Variants in LRRC4C observed in about 807,000 individuals in gnomAD.
LRRC4C encodes the protein leucine-rich repeat-containing protein 4C.
LRRC4C carries 5 observed loss-of-function variants against 33.6 expected under a neutral mutation model. The observed-to-expected ratio is 0.15, with a 90% CI of 0.08 to 0.31. The LOEUF (loss-of-function observed/expected upper bound fraction) is 0.31. Ranked by LOEUF, LRRC4C falls within the 10% of genes least tolerant of loss-of-function variation. LRRC4C has a pLI of 1.00. For synonymous variants in LRRC4C, 329 were observed against 302.0 expected (o/e 1.09, Z -0.93); for missense variants, 560 against 796.7 (o/e 0.70, Z 3.58).
At chr11:40,406,153 T>A (rs1949956423) in intron 3 of LRRC4C, among the ~76,000 whole-genome samples, 1 of 152,172 alleles carries the variant, frequency 6.6e-6, no homozygotes, top group South Asian at 2.1e-4. Context: ...TGCTATTTAC[T>A]TCTTAGAACA....
At chr11:40,475,830 G>A (rs1953187960) in intron 3 of LRRC4C, among the ~76,000 whole-genome samples, 1 of 152,006 alleles carries the variant, frequency 6.6e-6, no homozygotes, top group South Asian at 2.1e-4. Context: ...AGCCATCCTA[G>A]CATCACAGTT....
intron 2 of LRRC4C, among the ~76,000 whole-genome samples, chr11:40,843,323 G>A (rs1289618941): frequency 6.6e-6 from 1 of 152,094 alleles, no homozygotes; most frequent in Non-Finnish European, 1.5e-5. Context: ...TAGTTGACTG[G>A]GAACTCCTCG....
chr11:40,194,865 G>T (rs1395583617), intron 5 of LRRC4C, among the ~76,000 whole-genome samples: 1 of 152,118 alleles, frequency 6.6e-6, no homozygotes, highest in African/African-American at 2.4e-5. Flanking sequence ...GAGGTGGGCG[G>T]ATCACGAGGT....
chr11:41,368,928 C>T (rs1439452327), intron 1 of LRRC4C, among the ~76,000 whole-genome samples: 1 of 152,180 alleles, frequency 6.6e-6, no homozygotes, highest in East Asian at 1.9e-4. Context: ...TTCTAGGTAG[C>T]AGAGAAAATT....
chr11:40,978,928 C>T (rs545331882), intron 1 of LRRC4C, among the ~76,000 whole-genome samples: 1 of 152,050 alleles, frequency 6.6e-6, no homozygotes, highest in East Asian at 1.9e-4. Flanking sequence ...CATCATGCCT[C>T]ATCTCTTTTT....
intron 3 of LRRC4C, among the ~76,000 whole-genome samples, chr11:40,608,324 T>A (rs534340927): frequency 6.6e-6 from 1 of 152,192 alleles, no homozygotes; most frequent in East Asian, 1.9e-4. Context: ...TATATTGTCA[T>A]TACTATAAGA....
intron 1 of LRRC4C, among the ~76,000 whole-genome samples, chr11:41,096,964 G>A (rs866740888): frequency 3.3e-5 from 5 of 152,124 alleles, no homozygotes; most frequent in Admixed American, 6.6e-5. Flanking sequence ...GATATCTTAC[G>A]TGGTCCTCAA....
chr11:41,086,631 ATTTCT>A (rs1196369772), intron 1 of LRRC4C, among the ~76,000 whole-genome samples: 2 of 152,080 alleles, frequency 1.3e-5, no homozygotes, highest in Non-Finnish European at 2.9e-5. Context: ...AGAGTTTTAA[ATTTCT>A]TTTCTTTGTG....
At chr11:40,413,196 C>T (rs1051908723) in intron 3 of LRRC4C, among the ~76,000 whole-genome samples, 2 of 151,810 alleles carry the variant, frequency 1.3e-5, no homozygotes, top group Non-Finnish European at 2.9e-5. Flanking sequence ...GGGTGCATAG[C>T]AGAAGGTGAT....
chr11:41,163,116 C>T (rs2136040919), intron 1 of LRRC4C, among the ~76,000 whole-genome samples: 1 of 152,064 alleles, frequency 6.6e-6, no homozygotes, highest in Admixed American at 6.6e-5. Flanking sequence ...TCTCTTGCCG[C>T]CACCATGTAA....
At chr11:40,864,739 G>A (rs1235018382) in intron 2 of LRRC4C, among the ~76,000 whole-genome samples, 3 of 152,226 alleles carry the variant, frequency 2.0e-5, no homozygotes, top group South Asian at 4.1e-4. Context: ...AATCTGCACT[G>A]GCAAAGGAGA....
At chr11:40,150,625 G>A (rs761996370) in intron 5 of LRRC4C, among the ~76,000 whole-genome samples, 4 of 151,872 alleles carry the variant, frequency 2.6e-5, no homozygotes, top group African/African-American at 4.8e-5. Flanking sequence ...TTTAATTTTC[G>A]TAGATACCTG....
intron 1 of LRRC4C, among the ~76,000 whole-genome samples, chr11:41,041,212 C>T (rs1374339260): frequency 6.6e-6 from 1 of 152,026 alleles, no homozygotes; most frequent in Non-Finnish European, 1.5e-5. Flanking sequence ...ATGGGAAATT[C>T]TTATAGCAAG....
intron 5 of LRRC4C, among the ~76,000 whole-genome samples, chr11:40,217,578 T>C (rs952248676): frequency 6.6e-6 from 1 of 152,122 alleles, no homozygotes; most frequent in African/African-American, 2.4e-5. Flanking sequence ...GGTATACAAA[T>C]TAAATGAGAT....
intron 1 of LRRC4C, among the ~76,000 whole-genome samples, chr11:41,382,866 G>T (rs568926882): frequency 1.3e-5 from 2 of 152,140 alleles, no homozygotes; most frequent in East Asian, 1.9e-4. Flanking sequence ...GGAAGGACAA[G>T]TTGGGTTTTA....
chr11:41,059,274 T>A (rs1167567055), intron 1 of LRRC4C, among the ~76,000 whole-genome samples: 1 of 91,912 alleles, frequency 1.1e-5, no homozygotes, highest in Admixed American at 1.2e-4. Context: ...TGATGACAAA[T>A]AAACAACAAC....
intron 1 of LRRC4C, among the ~76,000 whole-genome samples, chr11:41,207,913 G>T (rs1466928220): frequency 6.6e-6 from 1 of 152,162 alleles, no homozygotes; most frequent in East Asian, 1.9e-4. Context: ...TTGACCCTGG[G>T]TGGGGGGTAA....
At chr11:40,860,392 GTGGAAACATGTTTCC>G (rs1954027566) in intron 2 of LRRC4C, among the ~76,000 whole-genome samples, 1 of 7,578 alleles carries the variant, frequency 1.3e-4, no homozygotes, top group Non-Finnish European at 7.3e-4. Context: ...TAAGATGTCA[GTGGAAACATGTTTCC>G]TCTGAAATTA....
chr11:40,314,495 CT>C (rs1273725460), intron 4 of LRRC4C, among the ~76,000 whole-genome samples: 1 of 152,056 alleles, frequency 6.6e-6, no homozygotes, highest in Non-Finnish European at 1.5e-5. Flanking sequence ...ATGAACGTTC[CT>C]CAAAAATCTA....
Sources: gnomAD v4.1 joint callset for allele counts (sites outside exome capture counted in the v4.1 genomes callset) on GRCh38, gnomAD v4.1.1 for gene constraint, MANE v1.5 for transcripts, NCBI Gene and HGNC (gene_info 2026-07-23, HGNC 2026-07-21) for gene names.